HIGD2B: variants seen among roughly 807,000 people sequenced by gnomAD.
The protein encoded by HIGD2B is HIG1 hypoxia inducible domain family member 2B.
For missense variants in HIGD2B, 106 were observed against 67.0 expected (o/e 1.58, Z -2.03); for synonymous variants, 45 against 28.1 (o/e 1.60, Z -1.90).
Position 72,676,147 on chromosome 15 carries a change from C to A in HIGD2B, c.228G>T (p.Arg76=). ...CFHQGNSQCS[R]LMMHTQIAAQ... ...CGGCGATCTGGGTGTGCATCATAAGCCGTGAACATTGGCTGTTGCCCTGGT... is the reference window on the plus strand; with the variant it reads ...CGGCGATCTGGGTGTGCATCATAAGACGTGAACATTGGCTGTTGCCCTGGT... The change falls in exon 3 of 3, where the codon CGG becomes CGT. Residue 76 remains arginine, a synonymous_variant. Coordinates refer to ENST00000311755, the MANE Select transcript of HIGD2B (RefSeq NM_001350932.3). 1.3e-6 allele frequency: 1 copy of A among 764,522 alleles called. No homozygotes were observed. Among genetic ancestry groups the A allele is most frequent in the South Asian group, 1.4e-5 (1 of 73,724 alleles). The allele number at this position is 764,522 out of a possible 1,614,324, so 47.4% of individuals were successfully genotyped here.
At chr15:72,682,829 C>A in intron 1 of HIGD2B, 1 of 254,436 alleles carries the variant, frequency 3.9e-6, no homozygotes, top group South Asian at 6.5e-5. Flanking sequence ...CTTTGTAATC[C>A]ATTCCCCACT....
chr15:72,677,172 A>G (rs1054506346), intron 2 of HIGD2B, among the ~76,000 whole-genome samples: 1 of 152,162 alleles, frequency 6.6e-6, no homozygotes, highest in African/African-American at 2.4e-5. Flanking sequence ...GCTCACACCT[A>G]TAATCCCAGC....
At chr15:72,679,611 C>T (rs879798462) in intron 2 of HIGD2B, among the ~76,000 whole-genome samples, 21 of 152,096 alleles carry the variant, frequency 1.4e-4, no homozygotes, top group Non-Finnish European at 2.4e-4. Flanking sequence ...ACCAGATACC[C>T]CTCCTCAAGA....
chr15:72,676,481 T>A, intron 2 of HIGD2B, 94 bp from the exon 3 acceptor site: 6 of 602,328 alleles, frequency 1.0e-5, no homozygotes, highest in Non-Finnish European at 1.5e-5. Flanking sequence ...CTTGGCTCAC[T>A]GAAACCTCTG....
rs199514835 is a variant in HIGD2B at position 72,676,406 on chromosome 15, TG to T, written c.-13-20del. 18 of 675,156 alleles carry T rather than the reference TG, an allele frequency of 2.7e-5. No homozygotes were observed. Among genetic ancestry groups the T allele is most frequent in the South Asian group, 6.4e-5 (4 of 62,422 alleles). 41.8% of individuals were successfully genotyped at this position (675,156 alleles called of 1,614,324 possible). The stretch of plus-strand genomic sequence containing the variant: ...GCCACAGCTGCAGGAGAAAATCCTT[TG>T]TTTTTTTTTTTTTTTGAGAAGGAGT... On this transcript the variant is annotated intron_variant, in intron 2 of 2. Coordinates refer to ENST00000311755, the MANE Select transcript of HIGD2B (RefSeq NM_001350932.3).
chr15:72,676,391 C>CTTCCCCCTTCCCATACAAAT lies in HIGD2B; in HGVS notation c.-13-5_-13-4insATTTGTATGGGAAGGGGGAA. The CTTCCCCCTTCCCATACAAAT allele has an allele frequency of 1.4e-6, 1 of 705,516 alleles. No individual in the cohort carries two copies. 43.7% of individuals were successfully genotyped at this position (705,516 alleles called of 1,614,324 possible). A position where few individuals can be genotyped will look rare whatever the true frequency, so the allele number is the denominator to read the frequency against. ...AGTCGCCATGCCTAGGCCACAGCTG[C>CTTCCCCCTTCCCATACAAAT]AGGAGAAAATCCTTTGTTTTTTTTT... On this transcript the variant is annotated splice_polypyrimidine_tract_variant and splice_region_variant and intron_variant, in intron 2 of 2. Coordinates refer to ENST00000311755, the MANE Select transcript of HIGD2B (RefSeq NM_001350932.3).
At chr15:72,678,005 A>T (rs1166449968) in intron 2 of HIGD2B, among the ~76,000 whole-genome samples, 1 of 151,966 alleles carries the variant, frequency 6.6e-6, no homozygotes, top group African/African-American at 2.4e-5. Flanking sequence ...TATTTTCCTC[A>T]ACTCATTATT....
chr15:72,686,091 C>A lies in HIGD2B; in HGVS notation c.-466G>T. The A allele has an allele frequency of 1.1e-6, 1 of 916,410 alleles. No homozygotes were observed. The highest frequency in any genetic ancestry group is 1.7e-6 in the Non-Finnish European group (1 of 583,266). 56.8% of individuals were successfully genotyped at this position (916,410 alleles called of 1,614,324 possible). A position where few individuals can be genotyped will look rare whatever the true frequency, so the allele number is the denominator to read the frequency against. On this transcript the variant is annotated 5_prime_UTR_variant, in exon 1 of 3. Transcript: ENST00000311755. ...CTGTGGAGCAGACCCTAATCCTCCC[C>A]CTGATTCCTTAGGTCACTCGGCGAT...
At chr15:72,677,408 C>A (rs550514941) in intron 2 of HIGD2B, among the ~76,000 whole-genome samples, 7 of 151,656 alleles carry the variant, frequency 4.6e-5, no homozygotes, top group African/African-American at 1.5e-4. Context: ...CCTGGGTGGG[C>A]AACAACAGCA....
rs771338686 is a variant in HIGD2B at position 72,676,317 on chromosome 15, T to TG, written c.57dup (p.Ile20HisfsTer3). The TG allele has an allele frequency of 7.9e-6, 6 of 760,912 alleles. No homozygotes were observed. The highest frequency in any genetic ancestry group is 1.7e-5 in the African/African-American group (1 of 58,680). 47.1% of individuals were successfully genotyped at this position (760,912 alleles called of 1,614,324 possible). A position where few individuals can be genotyped will look rare whatever the true frequency, so the allele number is the denominator to read the frequency against. ...ACAGTGGGGCTAAGCCCCTCAAAGA[T>TG]GGGGGGCTTCGATGATTCAAAGGGG... On this transcript the variant is annotated frameshift_variant, in exon 3 of 3. Coordinates refer to ENST00000311755, the MANE Select transcript of HIGD2B (RefSeq NM_001350932.3). LOFTEE classifies it high-confidence loss of function.
intron 1 of HIGD2B, among the ~76,000 whole-genome samples, chr15:72,683,667 C>T (rs934119972): frequency 6.6e-6 from 1 of 151,838 alleles, no homozygotes; most frequent in South Asian, 2.1e-4. Context: ...ATGATGAAAC[C>T]CCATCTTTAC....
chr15:72,685,772 G>A, intron 1 of HIGD2B, 46 bp downstream of exon 1: 1 of 271,620 alleles, frequency 3.7e-6, no homozygotes. Flanking sequence ...GATAAGGTGA[G>A]TACCTCAGTT....
In HIGD2B at chr15:72,677,353, G is replaced by A. The variant is rs560424111; in HGVS notation, c.-13-966C>T. ...AGGCAGGAGAATCGCTTGAACCCCG[G>A]AGGCGGAGGTTGCAGTGAGCTGAGA... On this transcript the variant is annotated intron_variant, in intron 2 of 2. Coordinates refer to ENST00000311755, the MANE Select transcript of HIGD2B (RefSeq NM_001350932.3). 2.0e-5 allele frequency among the ~76,000 whole-genome samples: 3 copies of A among 152,178 alleles called. No homozygotes were observed. The South Asian group carries it at 6.2e-4, about 32-fold the overall frequency.
intron 1 of HIGD2B, among the ~76,000 whole-genome samples, chr15:72,684,476 G>A (rs1240039941): frequency 1.3e-5 from 2 of 151,946 alleles, no homozygotes; most frequent in East Asian, 3.9e-4. Context: ...TCAATAGTGA[G>A]ACCCCTGCCT....
At chr15:72,679,108 C>T (rs751618794) in intron 2 of HIGD2B, among the ~76,000 whole-genome samples, 12 of 150,910 alleles carry the variant, frequency 8.0e-5, no homozygotes, top group East Asian at 2.0e-4. Flanking sequence ...TAGTGGCTCA[C>T]GCCTGTAATC....
At chr15:72,682,218 T>C (rs1439366344) in intron 1 of HIGD2B, 3 of 153,964 alleles carry the variant, frequency 1.9e-5, no homozygotes, top group Non-Finnish European at 4.4e-5. Flanking sequence ...TTCCAAAAGA[T>C]GTTAACAACT....
At position 72,676,189 on chromosome 15, in the gene HIGD2B, G is replaced by T. The variant is rs551813388; in HGVS notation, c.186C>A (p.Asn62Lys). Residue 62 changes from asparagine to lysine, a missense_variant, in exon 3 of 3, where the codon AAC becomes AAA. By Grantham distance (94) the Asn-to-Lys change is moderately conservative. Transcript: ENST00000311755. Reference sequence around the variant, plus strand: ...TGCCCTGGTGGAAGCAGTAGAGGCCGTTGGTGAGGACGGCCGCCGTGCACA... The same window carrying T: ...TGCCCTGGTGGAAGCAGTAGAGGCCTTTGGTGAGGACGGCCGCCGTGCACA... ...GFLCTAAVLT[N>K]GLYCFHQGNS... The T allele has an allele frequency of 2.6e-6, 2 of 763,694 alleles. No individual in the cohort carries two copies. The highest frequency in any genetic ancestry group is 3.4e-5 in the African/African-American group (2 of 59,186). The allele number at this position is 763,694 out of a possible 1,614,324, so 47.3% of individuals were successfully genotyped here. A position where few individuals can be genotyped will look rare whatever the true frequency, so the allele number is the denominator to read the frequency against.
intron 2 of HIGD2B, among the ~76,000 whole-genome samples, chr15:72,678,612 T>C (rs963565983): frequency 2.0e-5 from 3 of 152,180 alleles, no homozygotes; most frequent in African/African-American, 4.8e-5. Context: ...CTAGTTTCTA[T>C]AATTTTCAAC....
chr15:72,677,862 T>C (rs2064709368), intron 2 of HIGD2B, among the ~76,000 whole-genome samples: 2 of 152,198 alleles, frequency 1.3e-5, no homozygotes. Context: ...CAGAGCTGTA[T>C]GGGAGAAAAG....
Sources: gnomAD v4.1 joint callset for allele counts (sites outside exome capture counted in the v4.1 genomes callset) on GRCh38, gnomAD v4.1.1 for gene constraint, MANE v1.5 for transcripts, NCBI Gene and HGNC (gene_info 2026-07-23, HGNC 2026-07-21) for gene names.